Variants in GRK5 observed in about 807,000 individuals in gnomAD.
The protein encoded by GRK5 is g protein-coupled receptor kinase GRK5.
A neutral mutation model predicts 78.4 loss-of-function variants in GRK5; 40 were observed. The ratio of observed to expected loss-of-function variants is 0.51; its 90% CI spans 0.40 to 0.66. GRK5 has a LOEUF of 0.66. GRK5 is among the 30% of genes least tolerant of loss of function. The pLI, the probability that GRK5 is intolerant of heterozygous loss-of-function variation, is 0.00. For synonymous variants in GRK5, 289 were observed against 296.8 expected, an observed-to-expected ratio of 0.97 and a Z score of 0.27; for missense variants, 598 against 759.9, an observed-to-expected ratio of 0.79 and a Z score of 2.50.
At chr10:119,274,912 C>T (rs900713357) in intron 1 of GRK5, among the ~76,000 whole-genome samples, 3 of 152,160 alleles carry the variant, frequency 2.0e-5, no homozygotes, top group African/African-American at 7.2e-5. Flanking sequence ...CAAACAAAGA[C>T]CCTTTTAGTT....
At chr10:119,363,478 C>T (rs1325529135) in intron 2 of GRK5, among the ~76,000 whole-genome samples, 1 of 152,200 alleles carries the variant, frequency 6.6e-6, no homozygotes, top group African/African-American at 2.4e-5. Context: ...GGTTCAGCTG[C>T]TGTAGCAAAG....
intron 1 of GRK5, among the ~76,000 whole-genome samples, chr10:119,213,724 C>T (rs1848525627): frequency 6.6e-6 from 1 of 152,072 alleles, no homozygotes; most frequent in Non-Finnish European, 1.5e-5. Flanking sequence ...GAAAACTGTG[C>T]TGCTTTTAAA....
At chr10:119,394,284 G>C (rs1411663274) in intron 3 of GRK5, among the ~76,000 whole-genome samples, 1 of 55,426 alleles carries the variant, frequency 1.8e-5, no homozygotes, top group Non-Finnish European at 4.5e-5. Flanking sequence ...GCGTGTGTGT[G>C]GGTGTGTATC....
At chr10:119,229,713 G>A (rs917180741) in intron 1 of GRK5, among the ~76,000 whole-genome samples, 108 of 152,294 alleles carry the variant, frequency 7.1e-4, no homozygotes, top group Non-Finnish European at 1.0e-4. Flanking sequence ...GGGGGGCAGG[G>A]ATCAGTAAAG....
intron 4 of GRK5, among the ~76,000 whole-genome samples, chr10:119,417,303 C>T (rs920048958): frequency 7.2e-5 from 11 of 152,222 alleles, no homozygotes; most frequent in African/African-American, 2.7e-4. Context: ...CCTTCCTCCT[C>T]AGCACCCCTC....
chr10:119,317,573 A>T (rs573260982), intron 1 of GRK5, among the ~76,000 whole-genome samples: 1 of 152,126 alleles, frequency 6.6e-6, no homozygotes, highest in Middle Eastern at 3.4e-3. Flanking sequence ...GGGGCCTCAT[A>T]CGGTTTGCCC....
chr10:119,254,533 G>A (rs558206409), intron 1 of GRK5, among the ~76,000 whole-genome samples: 10 of 152,232 alleles, frequency 6.6e-5, no homozygotes, highest in South Asian at 2.1e-4. Context: ...GATTTGTAGC[G>A]GGTGTGGCTA....
intron 1 of GRK5, among the ~76,000 whole-genome samples, chr10:119,209,590 G>A (rs1031524227): frequency 2.0e-5 from 3 of 146,728 alleles, no homozygotes; most frequent in African/African-American, 7.5e-5. Context: ...GAATGGTCCT[G>A]AAAGGGAGGA....
chr10:119,429,039 G>A (rs898244542), intron 6 of GRK5, among the ~76,000 whole-genome samples: 13 of 152,212 alleles, frequency 8.5e-5, no homozygotes, highest in South Asian at 2.1e-4. Flanking sequence ...CCAGGGCCAC[G>A]TGGTCGAGGC....
At position 119,431,264 on chromosome 10, in the gene GRK5, A is replaced by G; in HGVS notation, c.598-123A>G. The stretch of plus-strand genomic sequence containing the variant: ...GGGAGCCTGGAGCACTCATGAAGCC[A>G]GGCAGGGCCGGCTCTGACCCCATCC... On this transcript the variant is annotated intron_variant, in intron 7 of 15. Coordinates refer to ENST00000392870, the MANE Select transcript of GRK5 (RefSeq NM_005308.3). The surrounding 1 kb of genome is among the most constrained non-coding windows in gnomAD (Gnocchi z 4.8). The G allele has an allele frequency of 3.4e-6, 4 of 1,161,528 alleles. No homozygotes were observed. The highest frequency in any genetic ancestry group is 4.8e-6 in the Non-Finnish European group (4 of 840,996). 72.0% of individuals were successfully genotyped at this position (1,161,528 alleles called of 1,614,324 possible). A position where few individuals can be genotyped will look rare whatever the true frequency, so the allele number is the denominator to read the frequency against.
At chr10:119,234,368 C>A (rs1461189731) in intron 1 of GRK5, among the ~76,000 whole-genome samples, 6 of 152,234 alleles carry the variant, frequency 3.9e-5, no homozygotes. Flanking sequence ...TTCATTCTTA[C>A]TCTACATGTC....
At position 119,394,326 on chromosome 10, in the gene GRK5, ATC is replaced by A. The variant is rs1851970664; in HGVS notation, c.262-2367_262-2366del. On this transcript the variant is annotated intron_variant, in intron 3 of 15. Coordinates refer to ENST00000392870, the MANE Select transcript of GRK5 (RefSeq NM_005308.3). ...TCTGTGTGGGCACGTGGGTGTGTGT[ATC>A]TGTGTGTCTGTGTGTGGGCATGTGG... Among the ~76,000 whole-genome samples, 2 of 5,732 alleles carry A rather than the reference ATC, an allele frequency of 3.5e-4. 1 individual carries two copies. The highest frequency in any genetic ancestry group is 6.8e-4 in the Non-Finnish European group (2 of 2,934). 3.8% of individuals were successfully genotyped at this position (5,732 alleles called of 152,430 possible). A position where few individuals can be genotyped will look rare whatever the true frequency, so the allele number is the denominator to read the frequency against.
At chr10:119,408,315 C>T (rs1464281420) in intron 4 of GRK5, among the ~76,000 whole-genome samples, 1 of 116,788 alleles carries the variant, frequency 8.6e-6, no homozygotes, top group African/African-American at 3.2e-5. Context: ...GCTCTCTATC[C>T]TGGGTGACAG....
rs1003634557 is a variant in GRK5 at position 119,336,453 on chromosome 10, A to T, written c.148+9842A>T. ...TTATCTGTAAGATTGTTTTTTTTTT[A>T]AAAAAAGAATGAATTGGCATGTTCT... On this transcript the variant is annotated intron_variant, in intron 2 of 15. Transcript: ENST00000392870. This position sits in a 1 kb window ranked among gnomAD's most constrained non-coding sequence, Gnocchi z 4.5. Among the ~76,000 whole-genome samples the T allele has an allele frequency of 8.1e-4, 123 of 151,558 alleles. No individual in the cohort carries two copies. Among genetic ancestry groups the T allele is most frequent in the African/African-American group, 1.5e-3 (60 of 41,264 alleles).
At chr10:119,343,264 TGAGA>T (rs58146681) in intron 2 of GRK5, among the ~76,000 whole-genome samples, 54 of 148,976 alleles carry the variant, frequency 3.6e-4, no homozygotes, top group African/African-American at 1.1e-3. Context: ...AGTGAACAGA[TGAGA>T]GAGAGAGAGA....
At chr10:119,405,506 C>G (rs1478614358) in intron 4 of GRK5, among the ~76,000 whole-genome samples, 1 of 151,060 alleles carries the variant, frequency 6.6e-6, no homozygotes, top group Non-Finnish European at 1.5e-5. Flanking sequence ...TTTATAAAGT[C>G]AAGAGCTTGA....
chr10:119,247,938 A>G (rs1849139579), intron 1 of GRK5, among the ~76,000 whole-genome samples: 1 of 152,222 alleles, frequency 6.6e-6, no homozygotes, highest in African/African-American at 2.4e-5. Context: ...TAATCTTTCC[A>G]GACATCTTTC....
intron 6 of GRK5, among the ~76,000 whole-genome samples, chr10:119,426,330 G>T (rs1224299316): frequency 6.6e-6 from 1 of 151,880 alleles, no homozygotes; most frequent in Non-Finnish European, 1.5e-5. Context: ...AGTCTCCTTA[G>T]TGGCCGCTGT....
intron 2 of GRK5, among the ~76,000 whole-genome samples, chr10:119,328,788 G>A (rs1195979992): frequency 1.3e-5 from 2 of 152,276 alleles, no homozygotes; most frequent in Non-Finnish European, 2.9e-5. Context: ...ACCTGGCAGG[G>A]CGGTGCTTCC....
Sources: allele counts gnomAD v4.1 joint callset (sites outside exome capture counted in the v4.1 genomes callset), GRCh38; gene constraint gnomAD v4.1.1; non-coding constraint Gnocchi (gnomAD v3.1); transcripts MANE v1.5; gene names NCBI Gene and HGNC (gene_info 2026-07-23, HGNC 2026-07-21).